DAB1: variants seen among roughly 807,000 people sequenced by gnomAD.
DAB1 encodes the protein DAB adaptor protein 1.
Under a neutral mutation model 64.6 loss-of-function variants are expected in DAB1, and 15 were observed. That is an observed-to-expected ratio of 0.23 (90% CI 0.16 to 0.36). The LOEUF (loss-of-function observed/expected upper bound fraction) is 0.36. Ranked by LOEUF, DAB1 falls within the 10% of genes least tolerant of loss-of-function variation. The pLI is 1.00. For missense variants in DAB1, 596 were observed against 706.7 expected (o/e 0.84, Z 1.78); for synonymous variants, 235 against 251.9 (o/e 0.93, Z 0.64).
rs142898972 is a variant in DAB1, at chr1:57,083,487, G to A, written c.307-11073C>T. Among the ~76,000 whole-genome samples, 59 of 152,250 alleles carry A rather than the reference G, an allele frequency of 3.9e-4. No individual in the cohort carries two copies. In the East Asian group the frequency reaches 9.5e-3, roughly 24 times the overall value. On this transcript the variant is annotated intron_variant, in intron 4 of 14. Coordinates refer to ENST00000371236, the MANE Select transcript of DAB1 (RefSeq NM_001365792.1). ...TTATAGAAAGCAGGTAAATGAATGC[G>A]CTTGAATGGAAATGAAACAGCATGT... is the stretch of plus-strand genomic sequence containing the variant.
intron 7 of DAB1, among the ~76,000 whole-genome samples, chr1:57,636,660 C>A (rs1355009415): frequency 6.6e-6 from 1 of 152,086 alleles, no homozygotes; most frequent in African/African-American, 2.4e-5. Context: ...ATGGGGTGTA[C>A]AAAAGAGCAG....
At chr1:57,688,857 TA>T (rs1035461055) in intron 6 of DAB1, among the ~76,000 whole-genome samples, 11 of 152,106 alleles carry the variant, frequency 7.2e-5, no homozygotes, top group Admixed American at 1.3e-4. Flanking sequence ...AAGTGGGAGC[TA>T]AACATTGGGT....
intron 3 of DAB1, among the ~76,000 whole-genome samples, chr1:58,373,169 C>CTT (rs201654648): frequency 4.2e-4 from 58 of 138,744 alleles, no homozygotes; most frequent in African/African-American, 7.6e-4. Context: ...TTACTATTTT[C>CTT]TTTTTTTTTT....
intron 5 of DAB1, among the ~76,000 whole-genome samples, chr1:57,914,896 A>G (rs1644703225): frequency 6.6e-6 from 1 of 152,174 alleles, no homozygotes; most frequent in African/African-American, 2.4e-5. Flanking sequence ...AATTTTCATA[A>G]GTTCTTAAGG....
intron 3 of DAB1, among the ~76,000 whole-genome samples, chr1:58,451,278 G>T (rs1645133410): frequency 6.6e-6 from 1 of 152,026 alleles, no homozygotes; most frequent in South Asian, 2.1e-4. Context: ...ATTTTTTGTA[G>T]AGGCAAGGTC....
intron 3 of DAB1, among the ~76,000 whole-genome samples, chr1:57,140,485 G>A (rs1658495038): frequency 6.6e-6 from 1 of 152,116 alleles, no homozygotes; most frequent in African/African-American, 2.4e-5. Flanking sequence ...TTCTTTAAGA[G>A]CCCCTTTTTG....
At chr1:57,953,329 G>C (rs1368538432) in intron 5 of DAB1, among the ~76,000 whole-genome samples, 1 of 152,156 alleles carries the variant, frequency 6.6e-6, no homozygotes, top group African/African-American at 2.4e-5. Context: ...CTACATACTT[G>C]ACCTAAGGAC....
At chr1:58,473,328 G>A (rs545151169) in intron 3 of DAB1, among the ~76,000 whole-genome samples, 2 of 151,502 alleles carry the variant, frequency 1.3e-5, no homozygotes, top group Admixed American at 6.6e-5. Flanking sequence ...GGATCACGAG[G>A]TCAGGAGATC....
intron 7 of DAB1, among the ~76,000 whole-genome samples, chr1:57,439,377 C>T (rs1189864653): frequency 6.9e-6 from 1 of 145,478 alleles, no homozygotes; most frequent in Non-Finnish European, 1.5e-5. Context: ...TGCAGTTTTT[C>T]TTACTCTCTA....
chr1:57,148,781 T>C (rs550702907), intron 2 of DAB1, among the ~76,000 whole-genome samples: 21 of 152,330 alleles, frequency 1.4e-4, no homozygotes, highest in Admixed American at 2.6e-4. Flanking sequence ...AGTCCTCTTT[T>C]CAGAAGACAA....
At chr1:57,632,338 C>T (rs1477959930) in intron 7 of DAB1, among the ~76,000 whole-genome samples, 3 of 152,058 alleles carry the variant, frequency 2.0e-5, no homozygotes, top group Admixed American at 6.6e-5. Flanking sequence ...TCTTTAATAG[C>T]GTTTGTGTGA....
chr1:57,980,346 AAGGTCT>A (rs1276691033), intron 5 of DAB1, among the ~76,000 whole-genome samples: 1 of 152,016 alleles, frequency 6.6e-6, no homozygotes, highest in East Asian at 1.9e-4. Context: ...CCCAATATCT[AAGGTCT>A]AGGTGAAATA....
intron 3 of DAB1, among the ~76,000 whole-genome samples, chr1:58,429,375 G>A (rs1014965199): frequency 5.3e-5 from 8 of 152,276 alleles, no homozygotes; most frequent in Admixed American, 1.3e-4. Flanking sequence ...TATTATGTTC[G>A]AGAGCACTTC....
At chr1:57,651,433 T>TGTA (rs1646254847) in intron 6 of DAB1, among the ~76,000 whole-genome samples, 1 of 152,174 alleles carries the variant, frequency 6.6e-6, no homozygotes, top group South Asian at 2.1e-4. Flanking sequence ...GATAGATTAT[T>TGTA]GTAGTGCTTT....
intron 4 of DAB1, among the ~76,000 whole-genome samples, chr1:58,235,940 A>C (rs1660008493): frequency 6.6e-6 from 1 of 152,212 alleles, no homozygotes. Context: ...AATAAGGGAA[A>C]GCTGCTACAG....
At chr1:57,608,069 G>A (rs949414653) in intron 7 of DAB1, among the ~76,000 whole-genome samples, 2 of 152,156 alleles carry the variant, frequency 1.3e-5, no homozygotes, top group African/African-American at 4.8e-5. Flanking sequence ...ACCCAGGCAT[G>A]CACATACCCA....
chr1:57,757,913 C>T (rs1648893650), intron 6 of DAB1, among the ~76,000 whole-genome samples: 1 of 152,068 alleles, frequency 6.6e-6, no homozygotes, highest in Admixed American at 6.6e-5. Flanking sequence ...AACTTCTAGG[C>T]TCAATCGATC....
chr1:58,494,173 T>A (rs535697124), intron 3 of DAB1, among the ~76,000 whole-genome samples: 59 of 152,340 alleles, frequency 3.9e-4, no homozygotes, highest in African/African-American at 1.4e-3. Context: ...GGGGAAAGGA[T>A]TCCCTCTTTA....
intron 4 of DAB1, 117 bp downstream of exon 4, chr1:57,136,426 C>T: frequency 2.0e-6 from 1 of 498,400 alleles, no homozygotes; most frequent in Non-Finnish European, 3.4e-6. Context: ...TCAAGTTTGT[C>T]AGTTGCTTTA....
Sources: gnomAD v4.1 joint callset for allele counts (sites outside exome capture counted in the v4.1 genomes callset) on GRCh38, gnomAD v4.1.1 for gene constraint, MANE v1.5 for transcripts, NCBI Gene and HGNC (gene_info 2026-07-23, HGNC 2026-07-21) for gene names.